KCNMA1: variants seen among roughly 807,000 people sequenced by gnomAD.
The protein encoded by KCNMA1 is potassium calcium-activated channel subfamily M alpha 1, also known as Calcium-activated potassium channel subunit alpha-1.
KCNMA1 carries 29 observed loss-of-function variants against 140.0 expected under a neutral mutation model. That is an observed-to-expected ratio of 0.21 (90% CI 0.15 to 0.28). The LOEUF is 0.28. Ranked by LOEUF, KCNMA1 falls within the 10% of genes least tolerant of loss-of-function variation. The pLI is 1.00. For missense variants in KCNMA1, 880 were observed against 1,602.2 expected, an observed-to-expected ratio of 0.55 and a Z score of 7.70; for synonymous variants, 612 against 611.9, an observed-to-expected ratio of 1.00 and a Z score of 0.00.
intron 3 of KCNMA1, among the ~76,000 whole-genome samples, chr10:77,216,270 C>T (rs58447979): frequency 0.064 from 9,742 of 151,944 alleles, 350 homozygotes; most frequent in South Asian, 0.084. Flanking sequence ...TAGATTGCAG[C>T]GATAGTTGCA....
At chr10:77,305,781 C>A (rs892115441) in intron 2 of KCNMA1, among the ~76,000 whole-genome samples, 8 of 152,132 alleles carry the variant, frequency 5.3e-5, no homozygotes, top group East Asian at 1.9e-4. Flanking sequence ...TGTCTGACAC[C>A]ACAGCCCTGT....
chr10:76,932,875 C>T (rs2059625107), intron 23 of KCNMA1, among the ~76,000 whole-genome samples: 1 of 152,154 alleles, frequency 6.6e-6, no homozygotes, highest in South Asian at 2.1e-4. Context: ...ATTCACAGCT[C>T]CCTGGAGCAG....
intron 5 of KCNMA1, among the ~76,000 whole-genome samples, chr10:77,123,326 T>A (rs1055053045): frequency 4.0e-5 from 6 of 150,892 alleles, no homozygotes; most frequent in South Asian, 2.1e-4. Context: ...ACAAAAAAAA[T>A]TTCAAATTCT....
chr10:77,355,934 C>T (rs752910009), intron 2 of KCNMA1, among the ~76,000 whole-genome samples: 8 of 152,170 alleles, frequency 5.3e-5, no homozygotes, highest in African/African-American at 1.2e-4. Flanking sequence ...AGTGAAAAAA[C>T]GACCCCCTGT....
At chr10:77,586,092 G>C (rs2077205438) in intron 1 of KCNMA1, among the ~76,000 whole-genome samples, 1 of 152,138 alleles carries the variant, frequency 6.6e-6, no homozygotes, top group Admixed American at 6.5e-5. Context: ...ATATAATAAA[G>C]GGTCCCAATG....
intron 1 of KCNMA1, among the ~76,000 whole-genome samples, chr10:77,617,234 C>A (rs921944131): frequency 1.1e-4 from 16 of 152,286 alleles, no homozygotes; most frequent in African/African-American, 3.9e-4. Flanking sequence ...AGGAGTGAGA[C>A]AAGAAACCCG....
intron 1 of KCNMA1, among the ~76,000 whole-genome samples, chr10:77,585,809 C>CCACA (rs1168356476): frequency 6.6e-6 from 1 of 152,218 alleles, no homozygotes; most frequent in Non-Finnish European, 1.5e-5. Flanking sequence ...TCCTATCAGA[C>CCACA]CACAGCTCCT....
intron 2 of KCNMA1, among the ~76,000 whole-genome samples, chr10:77,290,045 G>A (rs941678158): frequency 3.9e-5 from 6 of 152,178 alleles, no homozygotes; most frequent in Admixed American, 2.0e-4. Flanking sequence ...GAAGGAGGCG[G>A]TTCGATGCGG....
At chr10:77,100,431 G>T (rs1030026307) in intron 9 of KCNMA1, among the ~76,000 whole-genome samples, 2 of 152,192 alleles carry the variant, frequency 1.3e-5, no homozygotes, top group South Asian at 2.1e-4. Context: ...AACAGTCCCT[G>T]TGGTTCTGGG....
intron 1 of KCNMA1, among the ~76,000 whole-genome samples, chr10:77,544,058 C>T (rs1478086982): frequency 6.6e-6 from 1 of 151,540 alleles, no homozygotes; most frequent in Admixed American, 6.6e-5. Context: ...AAGCCATGTA[C>T]GTTAATACTC....
chr10:77,469,404 G>A lies in KCNMA1; in HGVS notation c.379-65381C>T, dbSNP rs115000365. Among the ~76,000 whole-genome samples the A allele has an allele frequency of 4.0e-3, 609 of 152,276 alleles. 5 individuals are homozygous for A. Among genetic ancestry groups the A allele is most frequent in the African/African-American group, 0.013 (558 of 41,540 alleles). On this transcript the variant is annotated intron_variant, in intron 1 of 27. Transcript: ENST00000286628. ...CCTGGCCACCTAAGGAAAACACAGCGTTTAGAGGGCAGCGCCAGAACTGTG... is the reference window on the plus strand; with the variant it reads ...CCTGGCCACCTAAGGAAAACACAGCATTTAGAGGGCAGCGCCAGAACTGTG...
chr10:77,359,097 G>A (rs40338), intron 2 of KCNMA1, among the ~76,000 whole-genome samples: 31,790 of 152,080 alleles, frequency 0.21, 3,547 homozygotes, highest in Admixed American at 0.26. Context: ...AAGGAGACTC[G>A]TTCACACCCA....
chr10:76,999,690 A>C (rs1208933440), intron 19 of KCNMA1, among the ~76,000 whole-genome samples: 2 of 152,260 alleles, frequency 1.3e-5, no homozygotes, highest in East Asian at 3.9e-4. Context: ...GCATCTAAGG[A>C]TTGTAACAGA....
chr10:77,557,497 T>G (rs951696565), intron 1 of KCNMA1, among the ~76,000 whole-genome samples: 1 of 152,192 alleles, frequency 6.6e-6, no homozygotes, highest in Non-Finnish European at 1.5e-5. Flanking sequence ...TCTTGGGCAG[T>G]GACAGAGAAT....
chr10:77,469,329 C>A (rs777071470), intron 1 of KCNMA1, among the ~76,000 whole-genome samples: 9 of 152,170 alleles, frequency 5.9e-5, no homozygotes, highest in Non-Finnish European at 1.3e-4. Context: ...CTGGTCAAGA[C>A]GTCCACCTTC....
intron 3 of KCNMA1, among the ~76,000 whole-genome samples, chr10:77,232,291 A>G (rs539210429): frequency 6.6e-6 from 1 of 152,342 alleles, no homozygotes; most frequent in African/African-American, 2.4e-5. Context: ...TGGAATGTAC[A>G]TGTCATGGTA....
chr10:77,583,762 C>T (rs1344591538), intron 1 of KCNMA1, among the ~76,000 whole-genome samples: 2 of 152,176 alleles, frequency 1.3e-5, no homozygotes, highest in African/African-American at 2.4e-5. Flanking sequence ...TTGTCACCTA[C>T]CTTTCAGGCC....
intron 1 of KCNMA1, among the ~76,000 whole-genome samples, chr10:77,534,963 T>A (rs1027174502): frequency 4.6e-5 from 7 of 152,188 alleles, no homozygotes; most frequent in Admixed American, 4.6e-4. Context: ...ATCTATACCA[T>A]ATATACCTAC....
intron 2 of KCNMA1, among the ~76,000 whole-genome samples, chr10:77,339,534 C>G (rs2090287221): frequency 6.6e-6 from 1 of 152,198 alleles, no homozygotes; most frequent in African/African-American, 2.4e-5. Flanking sequence ...CTCACCCCAC[C>G]TCCCCACCAC....
Sources: allele counts gnomAD v4.1 joint callset (sites outside exome capture counted in the v4.1 genomes callset), GRCh38; gene constraint gnomAD v4.1.1; transcripts MANE v1.5; gene names NCBI Gene and HGNC (gene_info 2026-07-23, HGNC 2026-07-21).